The following RPUSD1 variants were observed in gnomAD, a reference collection of about 807,000 sequenced individuals.
The protein encoded by RPUSD1 is RNA pseudouridine synthase domain containing 1.
In RPUSD1, 28 loss-of-function variants were observed where a neutral mutation model predicts 22.4. The ratio of observed to expected loss-of-function variants is 1.25; its 90% CI spans 0.93 to 1.72. The LOEUF is 1.72. Ranked by LOEUF, RPUSD1 falls within the 40% of genes most tolerant of loss-of-function variation. The pLI, the probability that RPUSD1 is intolerant of heterozygous loss-of-function variation, is 0.00. For missense variants in RPUSD1, 596 were observed against 442.2 expected, an observed-to-expected ratio of 1.35 and a Z score of -3.12; for synonymous variants, 298 against 201.0, an observed-to-expected ratio of 1.48 and a Z score of -4.08.
At chr16:787,939 G>T (rs1270228272) in intron 1 of RPUSD1, 195 bp from the exon 2 acceptor site, 3 of 614,486 alleles carry the variant, frequency 4.9e-6, no homozygotes, top group South Asian at 1.9e-5. Flanking sequence ...CAAGGAGTCA[G>T]CCTGCTCCGG....
rs759892837 is a variant in RPUSD1 at position 787,029 on chromosome 16, C to G, written c.409+48G>C. On this transcript the variant is annotated intron_variant, in intron 4 of 5. Transcript: ENST00000007264. Reference sequence around the variant, plus strand: ...CCCGGTGGGTCCCTGCCTGCCCAGGCCCACCCCAACCCACGATGCCCGCCC... The same window carrying G: ...CCCGGTGGGTCCCTGCCTGCCCAGGGCCACCCCAACCCACGATGCCCGCCC... 8.8e-6 allele frequency: 14 copies of G among 1,593,232 alleles called. No homozygotes were observed. The Middle Eastern group carries it at 1.2e-3, about 132-fold the overall frequency.
In RPUSD1 at chr16:786,823, A is replaced by T. The variant is rs1163267183; in HGVS notation, c.511+4T>A. On this transcript the variant is annotated splice_donor_region_variant and intron_variant, in intron 5 of 5. Transcript: ENST00000007264. ...CACCAGGACACCGCCCACCCCAGAC[A>T]CACCCGTGAGCGGCTTCAGCAGCAC... 6.2e-7 allele frequency: 1 copy of T among 1,610,970 alleles called. No homozygotes were observed. Among genetic ancestry groups the T allele is most frequent in the African/African-American group, 1.3e-5 (1 of 74,938 alleles).
intron 5 of RPUSD1, 28 bp from the exon 6 acceptor site, chr16:786,405 A>G: frequency 5.7e-6 from 9 of 1,586,618 alleles, no homozygotes; most frequent in Non-Finnish European, 6.9e-6. Flanking sequence ...TGCCGGATCA[A>G]GCTGGGAGCG....
intron 3 of RPUSD1, 71 bp from the exon 4 acceptor site, chr16:787,250 A>C: frequency 3.2e-6 from 5 of 1,551,536 alleles, no homozygotes; most frequent in South Asian, 1.2e-5. Context: ...ACCTAACACC[A>C]AGCAACCACG....
chr16:787,137 C>T lies in RPUSD1; in HGVS notation c.349G>A (p.Ala117Thr). Residue 117 changes from alanine to threonine, a missense_variant, in exon 4 of 6, where the codon GCC (alanine) becomes ACC (threonine). Coordinates refer to ENST00000007264, the MANE Select transcript of RPUSD1 (RefSeq NM_058192.3). ...IQESRVTISH[A>T]IGRNSTEGRA... The stretch of plus-strand genomic sequence containing the variant: ...CCCTCCGTGCTGTTCCTGCCAATGG[C>T]ATGGCTGATGGTTACCCGGCTCTCC... 1 of 1,608,542 alleles carries T rather than the reference C, an allele frequency of 6.2e-7. No homozygotes were observed. Among genetic ancestry groups the T allele is most frequent in the Non-Finnish European group, 8.5e-7 (1 of 1,179,612 alleles).
chr16:785,724 CA>C lies in RPUSD1; in HGVS notation c.*225del. 2 of 413,544 alleles carry C rather than the reference CA, an allele frequency of 4.8e-6. No individual in the cohort carries two copies. The highest frequency in any genetic ancestry group is 8.4e-6 in the Non-Finnish European group (2 of 236,936). 25.6% of individuals were successfully genotyped at this position (413,544 alleles called of 1,614,324 possible). A position where few individuals can be genotyped will look rare whatever the true frequency, so the allele number is the denominator to read the frequency against. On this transcript the variant is annotated 3_prime_UTR_variant, in exon 6 of 6. Transcript: ENST00000007264. The stretch of plus-strand genomic sequence containing the variant: ...GGGCAGGAAGGCCCTCGGGATCCCG[CA>C]TCAGTCCCACGGCCGCGGTGCGGTC...
rs2041946945 is a variant in RPUSD1, at chr16:786,926, A to G, written c.412T>C (p.Cys138Arg). ...HTMCIEGSQGCENPKPSLTDL... is the reference protein window; with the variant it reads ...HTMCIEGSQGRENPKPSLTDL... ...GTGAGGCTTGGCTTTGGGTTCTCAC[A>G]ACCTGGGGCGCAGAAGGCAGGTGTG... The change falls in exon 5 of 6, where the codon TGT becomes CGT. Residue 138 changes from cysteine (C) to arginine (R), a missense_variant and splice_region_variant. Physicochemically the swap from Cys to Arg is radical, Grantham distance 180. Coordinates refer to ENST00000007264, the MANE Select transcript of RPUSD1 (RefSeq NM_058192.3). The G allele has an allele frequency of 6.2e-7, 1 of 1,612,550 alleles. No homozygotes were observed. Among genetic ancestry groups the G allele is most frequent in the African/African-American group, 1.3e-5 (1 of 74,874 alleles).
chr16:787,377 C>T lies in RPUSD1; in HGVS notation c.283G>A (p.Val95Met), dbSNP rs763994085. 30 of 1,588,120 alleles carry T rather than the reference C, an allele frequency of 1.9e-5. No homozygotes were observed. The highest frequency in any genetic ancestry group is 2.3e-5 in the South Asian group (2 of 87,922). The part of the protein sequence containing the change: ...SAYRCFKERR[V>M]TKAYLALLRG... ...ACCAATGCCAGGTAAGCCTTGGTCA[C>T]GCGCCGCTCCTTGAAGCACCTGTAC... Residue 95 changes from valine to methionine, a missense_variant, in exon 3 of 6, where the codon GTG becomes ATG. Transcript: ENST00000007264.
At position 786,939 on chromosome 16, in the gene RPUSD1, G is replaced by A. The variant is rs777991692; in HGVS notation, c.410-11C>T. 6 of 1,611,738 alleles carry A rather than the reference G, an allele frequency of 3.7e-6. No homozygotes were observed. Among genetic ancestry groups the A allele is most frequent in the Middle Eastern group, 1.7e-4 (1 of 6,056 alleles). ...TTGGGTTCTCACAACCTGGGGCGCA[G>A]AAGGCAGGTGTGAGGTTAGTGGGAC... is the stretch of plus-strand genomic sequence containing the variant. On this transcript the variant is annotated splice_polypyrimidine_tract_variant and intron_variant, in intron 4 of 5. Coordinates refer to ENST00000007264, the MANE Select transcript of RPUSD1 (RefSeq NM_058192.3).
Position 786,090 on chromosome 16 carries a change from G to A in RPUSD1, c.799C>T (p.Pro267Ser). ...TPDPDPEDRG[P>S]RPGSPSALLP... ...AGTGCGGAGGGGCTGCCTGGCCTGG[G>A]GCCCCTATCCTCGGGGTCAGGGTCG... The change falls in exon 6 of 6, where the codon CCC becomes TCC. Residue 267 changes from proline to serine, a missense_variant. By Grantham distance (74) the Pro-to-Ser change is moderately conservative. Transcript: ENST00000007264. 3 of 1,574,708 alleles carry A rather than the reference G, an allele frequency of 1.9e-6. No homozygotes were observed. Among genetic ancestry groups the A allele is most frequent in the African/African-American group, 2.7e-5 (2 of 74,362 alleles).
At position 786,087 on chromosome 16, in the gene RPUSD1, TG is replaced by T; in HGVS notation, c.801del (p.Arg268GlyfsTer62). The T allele has an allele frequency of 6.4e-7, 1 of 1,572,214 alleles. No individual in the cohort carries two copies. On this transcript the variant is annotated frameshift_variant, in exon 6 of 6. Coordinates refer to ENST00000007264, the MANE Select transcript of RPUSD1 (RefSeq NM_058192.3). LOFTEE classifies it low-confidence loss of function (END_TRUNC). ...AGGAGTGCGGAGGGGCTGCCTGGCC[TG>T]GGGCCCCTATCCTCGGGGTCAGGGT... Reference protein sequence around the residue: ...TPDPDPEDRGPRPGSPSALLP... With the variant: ...TPDPDPEDRGXRPGSPSALLP...
chr16:786,059 G>A lies in RPUSD1; in HGVS notation c.830C>T (p.Pro277Leu). The change falls in exon 6 of 6, where the codon CCT (proline) becomes CTT (leucine). Residue 277 changes from proline to leucine, a missense_variant. By Grantham distance (98) the Pro-to-Leu change is moderately conservative (BLOSUM62 -3). Coordinates refer to ENST00000007264, the MANE Select transcript of RPUSD1 (RefSeq NM_058192.3). ...PRPGSPSALL[P>L]GPGRPPPPPT... ...GGGTGGAGGAGGCCGGCCGGGCCCA[G>A]GCAGGAGTGCGGAGGGGCTGCCTGG... The A allele has an allele frequency of 1.3e-6, 2 of 1,542,156 alleles. No homozygotes were observed. The highest frequency in any genetic ancestry group is 1.7e-6 in the Non-Finnish European group (2 of 1,143,348).
Position 787,776 on chromosome 16 carries a change from G to C in RPUSD1, c.-7-32C>G, listed in dbSNP as rs372271035. On this transcript the variant is annotated intron_variant, in intron 1 of 5. Coordinates refer to ENST00000007264, the MANE Select transcript of RPUSD1 (RefSeq NM_058192.3). The stretch of plus-strand genomic sequence containing the variant: ...AGCCACGCGTGGGTGCGTGTGCTGT[G>C]AGCACGTGGTGCGCCCCCAGCCCAG... The C allele has an allele frequency of 5.0e-6, 8 of 1,595,132 alleles. No homozygotes were observed. The African/African-American group carries it at 1.1e-4, about 21-fold the overall frequency.
At chr16:786,633 G>A (rs1325558869) in intron 5 of RPUSD1, 194 bp downstream of exon 5, 3 of 735,900 alleles carry the variant, frequency 4.1e-6, no homozygotes, top group African/African-American at 3.5e-5. Context: ...AGACCCCCAA[G>A]GAATCAGTCA....
rs1410160748 is a variant in RPUSD1, at chr16:787,462, C to G, written c.198G>C (p.Leu66=). 1 of 1,585,144 alleles carries G rather than the reference C, an allele frequency of 6.3e-7. No homozygotes were observed. The highest frequency in any genetic ancestry group is 1.3e-5 in the African/African-American group (1 of 74,166). ...TCYGFRFCHQ[L]DFSTSGALCV... The stretch of plus-strand genomic sequence containing the variant: ...ACAGCGCCCCGCTGGTGGAGAAATC[C>G]AGCTGGTGGCAGAACCTGGAGTGGG... Residue 66 remains leucine, a synonymous_variant, in exon 3 of 6, where the codon CTG becomes CTC. Coordinates refer to ENST00000007264, the MANE Select transcript of RPUSD1 (RefSeq NM_058192.3).
Position 785,375 on chromosome 16 carries a change from C to T in RPUSD1, c.*575G>A, listed in dbSNP as rs1316534333. The T allele has an allele frequency of 6.5e-6, 1 of 152,780 alleles. No homozygotes were observed. The highest frequency in any genetic ancestry group is 2.4e-5 in the African/African-American group (1 of 41,474). 9.5% of individuals were successfully genotyped at this position (152,780 alleles called of 1,614,324 possible). On this transcript the variant is annotated 3_prime_UTR_variant, in exon 6 of 6. Transcript: ENST00000007264. ...CCTGCAGACTCGAGCCCAGCAGGGA[C>T]CATTAGGTCTCGGGAGGAGGCAGCT...
In RPUSD1 at chr16:787,763, G is replaced by T; in HGVS notation, c.-7-19C>A. ...GGCCGGCCTGCCGAGCCACGCGTGG[G>T]TGCGTGTGCTGTGAGCACGTGGTGC... On this transcript the variant is annotated intron_variant, in intron 1 of 5. Transcript: ENST00000007264. 6.2e-7 allele frequency: 1 copy of T among 1,603,028 alleles called. No individual in the cohort carries two copies. Among genetic ancestry groups the T allele is most frequent in the Non-Finnish European group, 8.5e-7 (1 of 1,177,648 alleles).
intron 5 of RPUSD1, 168 bp from the exon 6 acceptor site, chr16:786,545 A>G (rs2041920380): frequency 2.0e-5 from 16 of 782,108 alleles, no homozygotes; most frequent in Non-Finnish European, 3.2e-5. Context: ...AGTATTTAGG[A>G]CAGAAGATTG....
intron 5 of RPUSD1, chr16:786,615 G>A (rs1467533786): frequency 1.4e-6 from 1 of 734,664 alleles, no homozygotes; most frequent in East Asian, 2.7e-5. Context: ...GGAGAATCTA[G>A]GCCAGCCAGA....
Sources: allele counts gnomAD v4.1 joint callset, GRCh38; gene constraint gnomAD v4.1.1; transcripts MANE v1.5; gene names NCBI Gene and HGNC (gene_info 2026-07-23, HGNC 2026-07-21).